DELE1: variants seen among roughly 807,000 people sequenced by gnomAD.
DELE1 encodes the protein DAP3 binding cell death enhancer 1.
DELE1 carries 54 observed loss-of-function variants against 59.3 expected under a neutral mutation model. The observed-to-expected ratio is 0.91, with a 90% CI of 0.73 to 1.14. The LOEUF is 1.14. DELE1 is among the 50% of genes most tolerant of loss of function. The pLI is 0.00. For missense variants in DELE1, 636 were observed against 643.9 expected (o/e 0.99, Z 0.13); for synonymous variants, 264 against 259.1 (o/e 1.02, Z -0.18).
chr5:141,941,676 A>G lies in DELE1; in HGVS notation c.*2917A>G. 1.0e-6 allele frequency: 1 copy of G among 985,420 alleles called. No individual in the cohort carries two copies. The highest frequency in any genetic ancestry group is 1.2e-6 in the Non-Finnish European group (1 of 829,944). 61.0% of individuals were successfully genotyped at this position (985,420 alleles called of 1,614,324 possible). ...CCTTTGTGGGAAGCTCTACTGCCTC[A>G]GTTTCCCTATCCGGAGATGCTGTTT... On this transcript the variant is annotated 3_prime_UTR_variant, in exon 12 of 12. Transcript: ENST00000432126.
chr5:141,934,294 C>T lies in DELE1; in HGVS notation c.952C>T (p.Arg318Cys), dbSNP rs374464847. 37 of 1,613,934 alleles carry T rather than the reference C, an allele frequency of 2.3e-5. No individual in the cohort carries two copies. Among genetic ancestry groups the T allele is most frequent in the Middle Eastern group, 3.4e-4 (2 of 5,950 alleles). The part of the protein sequence containing the change: ...ASQGHSLAQY[R>C]YARCLLRDPA... The stretch of plus-strand genomic sequence containing the variant: ...CCAGGGCCACAGCCTGGCTCAGTAC[C>T]GCTATGCCAGGTGCCTACTACGAGA... The change falls in exon 9 of 12, where the codon CGC (arginine) becomes TGC (cysteine). Residue 318 changes from arginine to cysteine, a missense_variant. Transcript: ENST00000432126.
chr5:141,937,079 G>A, intron 10 of DELE1, 119 bp from the exon 11 acceptor site: 2 of 1,549,984 alleles, frequency 1.3e-6, no homozygotes, highest in Non-Finnish European at 1.7e-6. Context: ...CCAGGACTGG[G>A]CCTTGACCGT....
intron 5 of DELE1, 26 bp downstream of exon 5, chr5:141,929,766 C>G (rs533546209): frequency 6.2e-7 from 1 of 1,612,610 alleles, no homozygotes; most frequent in African/African-American, 1.3e-5. Flanking sequence ...ATGGAATCAG[C>G]AGAAGGCAGG....
chr5:141,931,166 A>C (rs1751877156), intron 7 of DELE1: 1 of 152,230 alleles, frequency 6.6e-6, no homozygotes, highest in Admixed American at 6.5e-5. Context: ...GACCTGTCAC[A>C]AAGACAGCCA....
intron 2 of DELE1, among the ~76,000 whole-genome samples, chr5:141,924,979 G>A (rs1424320918): frequency 6.6e-6 from 1 of 151,930 alleles, no homozygotes; most frequent in South Asian, 2.1e-4. Flanking sequence ...CCAGGCTGGA[G>A]TGCAGTGGCG....
At position 141,939,513 on chromosome 5, in the gene DELE1, T is replaced by A; in HGVS notation, c.*754T>A. On this transcript the variant is annotated 3_prime_UTR_variant, in exon 12 of 12. Coordinates refer to ENST00000432126, the MANE Select transcript of DELE1 (RefSeq NM_014773.5). ...TCACCTTTGATTTGGAAGGAAGAAG[T>A]TTCTTGCCCAAATGCCTGGATGTGT... 1 of 985,828 alleles carries A rather than the reference T, an allele frequency of 1.0e-6. No individual in the cohort carries two copies. Among genetic ancestry groups the A allele is most frequent in the Non-Finnish European group, 1.2e-6 (1 of 829,942 alleles). The allele number at this position is 985,828 out of a possible 1,614,324, so 61.1% of individuals were successfully genotyped here.
In DELE1 at chr5:141,941,763, A is replaced by G; in HGVS notation, c.*3004A>G. 2.0e-6 allele frequency: 2 copies of G among 985,180 alleles called. No individual in the cohort carries two copies. The highest frequency in any genetic ancestry group is 2.4e-6 in the Non-Finnish European group (2 of 829,754). The allele number at this position is 985,180 out of a possible 1,614,324, so 61.0% of individuals were successfully genotyped here. ...TTTGGTTTACTATATCATTAGTGCT[A>G]ATATAGTGTGGGGCACTCAGATGTT... On this transcript the variant is annotated 3_prime_UTR_variant, in exon 12 of 12. Coordinates refer to ENST00000432126, the MANE Select transcript of DELE1 (RefSeq NM_014773.5).
intron 2 of DELE1, among the ~76,000 whole-genome samples, 163 bp from the exon 3 acceptor site, chr5:141,925,247 G>A (rs1017950871): frequency 3.3e-5 from 5 of 152,032 alleles, no homozygotes; most frequent in Non-Finnish European, 1.5e-5. Context: ...ATTTTTAGTA[G>A]AGATGGGGTT....
chr5:141,937,633 C>T (rs1018828936), intron 11 of DELE1, among the ~76,000 whole-genome samples: 4 of 150,774 alleles, frequency 2.7e-5, no homozygotes, highest in Non-Finnish European at 5.9e-5. Context: ...ATTAGTTGGG[C>T]GTGGTGCGGA....
rs10078802 is a variant in DELE1, at chr5:141,929,700, C to T, written c.531C>T (p.Asn177=). 135,658 of 1,614,088 alleles carry T rather than the reference C, an allele frequency of 0.084. 6,328 individuals carry two copies. The highest frequency in any genetic ancestry group is 0.14 in the South Asian group (12,448 of 91,078). ...CTCAGCCCCGGAACTTCTCACACAA[C>T]TCTTTGAGAGGAGCTCGTCCTCAGG... ...ASAQPRNFSH[N]SLRGARPQDP... is the part of the protein sequence containing the mutation. Residue 177 remains asparagine, a synonymous_variant, in exon 5 of 12, where the codon AAC becomes AAT. Coordinates refer to ENST00000432126, the MANE Select transcript of DELE1 (RefSeq NM_014773.5).
Position 141,933,261 on chromosome 5 carries a change from A to G in DELE1, c.757A>G (p.Thr253Ala), listed in dbSNP as rs1752082966. 6.4e-7 allele frequency: 1 copy of G among 1,551,062 alleles called. No homozygotes were observed. Among genetic ancestry groups the G allele is most frequent in the Non-Finnish European group, 8.8e-7 (1 of 1,134,112 alleles). The change falls in exon 8 of 12, where the codon ACA becomes GCA. Residue 253 changes from threonine to alanine, a missense_variant and splice_region_variant. By Grantham distance (58) the Thr-to-Ala change is moderately conservative. Coordinates refer to ENST00000432126, the MANE Select transcript of DELE1 (RefSeq NM_014773.5). Reference sequence around the variant, plus strand: ...TTGTGCCCTGTGCCTTCTTACAGGAACAGAGAACATGAAGAGTGGCGACCA... The same window carrying G: ...TTGTGCCCTGTGCCTTCTTACAGGAGCAGAGAACATGAAGAGTGGCGACCA... ...SVSIAFNFLG[T>A]ENMKSGDHTA...
intron 3 of DELE1, 126 bp from the exon 4 acceptor site, chr5:141,928,025 G>A: frequency 9.9e-7 from 1 of 1,007,736 alleles, no homozygotes; most frequent in South Asian, 1.5e-5. Flanking sequence ...TTAGGGTGTT[G>A]TGAAAGTTTG....
At position 141,941,641 on chromosome 5, in the gene DELE1, A is replaced by G. The variant is rs900591397; in HGVS notation, c.*2882A>G. On this transcript the variant is annotated 3_prime_UTR_variant, in exon 12 of 12. Coordinates refer to ENST00000432126, the MANE Select transcript of DELE1 (RefSeq NM_014773.5). The stretch of plus-strand genomic sequence containing the variant: ...TGCTGGGTTAAAGCCCGGCGCCCTC[A>G]CCAATGAGACCTTTGTGGGAAGCTC... The G allele has an allele frequency of 6.0e-5, 59 of 985,326 alleles. No individual in the cohort carries two copies. In the African/African-American group the frequency reaches 9.4e-4, roughly 16 times the overall value. 61.0% of individuals were successfully genotyped at this position (985,326 alleles called of 1,614,324 possible).
At chr5:141,927,538 G>A (rs1751521024) in intron 3 of DELE1, among the ~76,000 whole-genome samples, 1 of 152,328 alleles carries the variant, frequency 6.6e-6, no homozygotes, top group East Asian at 1.9e-4. Context: ...ACAGGAGACA[G>A]GGAAAACCAA....
intron 4 of DELE1, 71 bp from the exon 5 acceptor site, chr5:141,929,511 A>G: frequency 1.3e-6 from 2 of 1,536,018 alleles, no homozygotes. Flanking sequence ...CGGCCTCCCA[A>G]GGTGCTGTGA....
Position 141,940,879 on chromosome 5 carries a change from AG to A in DELE1, c.*2122del. On this transcript the variant is annotated 3_prime_UTR_variant, in exon 12 of 12. Coordinates refer to ENST00000432126, the MANE Select transcript of DELE1 (RefSeq NM_014773.5). ...TCTCTGCCAAAAAACAAACAAAAAA[AG>A]GTTTCTGTGGTTAAATAAGTTTGGG... 1.0e-6 allele frequency: 1 copy of A among 985,376 alleles called. No individual in the cohort carries two copies. Among genetic ancestry groups the A allele is most frequent in the Non-Finnish European group, 1.2e-6 (1 of 829,840 alleles). The allele number at this position is 985,376 out of a possible 1,614,324, so 61.0% of individuals were successfully genotyped here.
chr5:141,924,404 A>C (rs1420076956), intron 1 of DELE1, among the ~76,000 whole-genome samples, 177 bp from the exon 2 acceptor site: 1 of 152,184 alleles, frequency 6.6e-6, no homozygotes, highest in African/African-American at 2.4e-5. Flanking sequence ...CGCTTTTAAA[A>C]AACGTGGATG....
At chr5:141,937,060 TGG>T (rs1752417204) in intron 10 of DELE1, 136 bp from the exon 11 acceptor site, 1 of 1,511,802 alleles carries the variant, frequency 6.6e-7, no homozygotes, top group Non-Finnish European at 8.8e-7. Context: ...TCCCTTGCTA[TGG>T]GGCGGGCCAG....
In DELE1 at chr5:141,937,280, G is replaced by GT; in HGVS notation, c.1234dup (p.Tyr412LeufsTer10). The GT allele has an allele frequency of 1.2e-6, 2 of 1,614,222 alleles. No homozygotes were observed. The highest frequency in any genetic ancestry group is 1.7e-6 in the Non-Finnish European group (2 of 1,180,042). On this transcript the variant is annotated frameshift_variant, in exon 11 of 12. Transcript: ENST00000432126. LOFTEE classifies it high-confidence loss of function. ...AGGAATCTGGGAGAGGCCTTGAGATGTTACCAGCAGTCAGCCGCTCTGGGA... is the reference window on the plus strand; with the variant it reads ...AGGAATCTGGGAGAGGCCTTGAGATGTTTACCAGCAGTCAGCCGCTCTGGGA...
Sources: gnomAD v4.1 joint callset for allele counts (sites outside exome capture counted in the v4.1 genomes callset) on GRCh38, gnomAD v4.1.1 for gene constraint, MANE v1.5 for transcripts, NCBI Gene and HGNC (gene_info 2026-07-23, HGNC 2026-07-21) for gene names.